NAV1: variants seen among roughly 807,000 people sequenced by gnomAD.
The protein encoded by NAV1 is neuron navigator 1.
A neutral mutation model predicts 175.2 loss-of-function variants in NAV1; 18 were observed. That is an observed-to-expected ratio of 0.10 (90% CI 0.07 to 0.15). The LOEUF (loss-of-function observed/expected upper bound fraction) is 0.15, where lower values mean the gene tolerates loss of function less well. Ranked by LOEUF, NAV1 falls within the 10% of genes least tolerant of loss-of-function variation. The pLI, the probability that NAV1 is intolerant of heterozygous loss-of-function variation, is 1.00. For missense variants in NAV1, 1,731 were observed against 2,436.6 expected (o/e 0.71, Z 6.10); for synonymous variants, 897 against 978.7 (o/e 0.92, Z 1.56).
intron 2 of NAV1, among the ~76,000 whole-genome samples, chr1:201,614,100 GT>G (rs1667932157): frequency 6.6e-6 from 1 of 152,028 alleles, no homozygotes; most frequent in Non-Finnish European, 1.5e-5. Flanking sequence ...CAGGACCTCT[GT>G]TTTTAGCCAA....
At chr1:201,720,432 T>C (rs1380275488) in intron 3 of NAV1, among the ~76,000 whole-genome samples, 1 of 152,156 alleles carries the variant, frequency 6.6e-6, no homozygotes, top group East Asian at 1.9e-4. Context: ...ACGGGGCCCC[T>C]GCCCAGCACA....
upstream of NAV1, among the ~76,000 whole-genome samples, chr1:201,618,914 A>C (rs1668077325): frequency 6.6e-6 from 1 of 152,124 alleles, no homozygotes; most frequent in Admixed American, 6.5e-5. Flanking sequence ...GGAAAACTTC[A>C]TGACCCCTTT....
intron 1 of NAV1, among the ~76,000 whole-genome samples, chr1:201,705,822 G>A (rs1671642512): frequency 6.6e-6 from 1 of 152,128 alleles, no homozygotes; most frequent in African/African-American, 2.4e-5. Flanking sequence ...TGCTCTACCT[G>A]AAGGCAGAGG....
rs963637922 is a variant in NAV1, at chr1:201,541,998, T to C, written c.-144+2656T>C. ...AAGTTCTTTTGACTTCTTGAAGGGTTTGGCCTTTAAGAAAAACCAGAATGT... is the reference window on the plus strand; with the variant it reads ...AAGTTCTTTTGACTTCTTGAAGGGTCTGGCCTTTAAGAAAAACCAGAATGT... On this transcript the variant is annotated intron_variant, in intron 1 of 33. Transcript: ENST00000685211. Among the ~76,000 whole-genome samples, 3 of 152,224 alleles carry C rather than the reference T, an allele frequency of 2.0e-5. No homozygotes were observed. In the East Asian group the frequency reaches 5.8e-4, roughly 29 times the overall value.
At chr1:201,559,824 G>A (rs1413460376) in intron 1 of NAV1, among the ~76,000 whole-genome samples, 1 of 152,198 alleles carries the variant, frequency 6.6e-6, no homozygotes, top group Admixed American at 6.5e-5. Flanking sequence ...TCTTCCTGTT[G>A]CCGCCACCAG....
chr1:201,824,504 C>G (rs1436972615), exon 30 of NAV1: 1 of 152,072 alleles, frequency 6.6e-6, no homozygotes, highest in Non-Finnish European at 1.5e-5. Flanking sequence ...TCAGCCTAGC[C>G]CTGGAAGTGA....
intron 15 of NAV1, among the ~76,000 whole-genome samples, chr1:201,800,884 A>G (rs1293852625): frequency 8.2e-6 from 1 of 121,982 alleles, no homozygotes; most frequent in Non-Finnish European, 1.6e-5. Context: ...GATGGAATGT[A>G]GTTATGCAAT....
chr1:201,627,067 CTG>C (rs1668350278), intron 1 of NAV1, among the ~76,000 whole-genome samples: 1 of 152,190 alleles, frequency 6.6e-6, no homozygotes, highest in Non-Finnish European at 1.5e-5. Flanking sequence ...ACAATCGTGA[CTG>C]TAACTATTTC....
chr1:201,642,094 CCTTCCCTTCCTCTTTCTTT>C (rs1350065216), intron 2 of NAV1, among the ~76,000 whole-genome samples: 3 of 149,000 alleles, frequency 2.0e-5, no homozygotes, highest in South Asian at 4.3e-4. Context: ...CTCCCTCCTT[CCTTCCCTTCCTCTTTCTTT>C]CTTCCCTTTC....
chr1:201,666,574 C>T (rs1025317567), intron 1 of NAV1, among the ~76,000 whole-genome samples: 4 of 152,090 alleles, frequency 2.6e-5, no homozygotes, highest in Non-Finnish European at 5.9e-5. Context: ...AAATAAGAGC[C>T]AGGAGTGATG....
chr1:201,663,108 C>T (rs1333663181), intron 1 of NAV1, among the ~76,000 whole-genome samples: 4 of 152,186 alleles, frequency 2.6e-5, no homozygotes, highest in African/African-American at 9.7e-5. Flanking sequence ...TTCATGCCTC[C>T]TCTGTCCAAG....
intron 3 of NAV1, among the ~76,000 whole-genome samples, chr1:201,727,524 CTTGGCTAAT>C (rs1672658555): frequency 6.6e-6 from 1 of 152,196 alleles, no homozygotes; most frequent in East Asian, 1.9e-4. Flanking sequence ...CCCATCATGA[CTTGGCTAAT>C]TGGGCTGTCA....
chr1:201,784,234 T>G (rs557455575), intron 7 of NAV1, among the ~76,000 whole-genome samples: 2 of 152,326 alleles, frequency 1.3e-5, no homozygotes, highest in East Asian at 3.9e-4. Flanking sequence ...CTTGGCTCAC[T>G]GCAATCTCTG....
chr1:201,631,335 G>A (rs113388436), intron 2 of NAV1, among the ~76,000 whole-genome samples: 163 of 152,308 alleles, frequency 1.1e-3, no homozygotes, highest in African/African-American at 3.8e-3. Flanking sequence ...GAGAAGAGAG[G>A]AAGAGAGGAG....
At chr1:201,609,031 T>C (rs1047288367) in intron 2 of NAV1, among the ~76,000 whole-genome samples, 2 of 152,210 alleles carry the variant, frequency 1.3e-5, no homozygotes, top group African/African-American at 4.8e-5. Context: ...AGTGCTGGAA[T>C]TGCTTGCCCC....
At chr1:201,741,200 C>T (rs1034518233) in intron 3 of NAV1, among the ~76,000 whole-genome samples, 35 of 152,148 alleles carry the variant, frequency 2.3e-4, no homozygotes, top group South Asian at 4.1e-4. Context: ...AGGCCTGAAA[C>T]GAGAGGCATC....
chr1:201,584,424 T>C (rs995555647), intron 1 of NAV1, among the ~76,000 whole-genome samples: 3 of 151,856 alleles, frequency 2.0e-5, no homozygotes, highest in African/African-American at 7.3e-5. Flanking sequence ...TAGGAAGGAG[T>C]GAATGAGAAA....
chr1:201,808,947 G>A lies in NAV1; in HGVS notation c.4207+76G>A. On this transcript the variant is annotated intron_variant, in intron 20 of 29. Coordinates refer to ENST00000367296, the Ensembl canonical transcript of NAV1. This position sits in a 1 kb window ranked among gnomAD's most constrained non-coding sequence, Gnocchi z 5.5. ...ATTTCACTGTTACACCATTCCACTT[G>A]CTTTGGTCAGGGCGGTAACAATGCC... is the stretch of plus-strand genomic sequence containing the variant. The A allele has an allele frequency of 6.5e-7, 1 of 1,534,188 alleles. No individual in the cohort carries two copies. The highest frequency in any genetic ancestry group is 8.8e-7 in the Non-Finnish European group (1 of 1,132,220).
chr1:201,592,036 C>G (rs181468989), intron 2 of NAV1, among the ~76,000 whole-genome samples: 1 of 152,150 alleles, frequency 6.6e-6, no homozygotes, highest in African/African-American at 2.4e-5. Context: ...CTAGACAATG[C>G]GAGGACAGTC....
Sources: allele counts gnomAD v4.1 joint callset (sites outside exome capture counted in the v4.1 genomes callset), GRCh38; gene constraint gnomAD v4.1.1; non-coding constraint Gnocchi (gnomAD v3.1); transcripts MANE v1.5; gene names NCBI Gene and HGNC (gene_info 2026-07-23, HGNC 2026-07-21).